VAV2: variants seen among roughly 807,000 people sequenced by gnomAD.
VAV2 encodes vav guanine nucleotide exchange factor 2, also known as guanine nucleotide exchange factor VAV2.
VAV2 carries 67 observed loss-of-function variants against 132.5 expected under a neutral mutation model. The ratio of observed to expected loss-of-function variants is 0.51; its 90% CI spans 0.42 to 0.62. The LOEUF is 0.62. VAV2 is among the 20% of genes least tolerant of loss of function. VAV2 has a pLI of 0.00. For synonymous variants in VAV2, 492 were observed against 443.5 expected, an observed-to-expected ratio of 1.11 and a Z score of -1.37; for missense variants, 938 against 1,153.6, an observed-to-expected ratio of 0.81 and a Z score of 2.71.
chr9:133,921,347 A>T (rs1021401384), intron 2 of VAV2, among the ~76,000 whole-genome samples: 1 of 152,218 alleles, frequency 6.6e-6, no homozygotes, highest in African/African-American at 2.4e-5. Flanking sequence ...AGACCACTGA[A>T]CGTCCACAGG....
At chr9:133,817,628 T>C (rs1469589677) in intron 4 of VAV2, among the ~76,000 whole-genome samples, 2 of 151,978 alleles carry the variant, frequency 1.3e-5, no homozygotes, top group East Asian at 1.9e-4. Context: ...AAAAATAAAA[T>C]AATAAAGTGC....
chr9:133,946,757 C>T (rs1483726658), intron 1 of VAV2, among the ~76,000 whole-genome samples: 2 of 152,190 alleles, frequency 1.3e-5, no homozygotes, highest in Non-Finnish European at 2.9e-5. Flanking sequence ...TTATTTATGC[C>T]ATGCTCATTC....
At chr9:133,914,699 A>G (rs1458532769) in intron 2 of VAV2, among the ~76,000 whole-genome samples, 1 of 23,642 alleles carries the variant, frequency 4.2e-5, no homozygotes. Flanking sequence ...GGGAAGCGGG[A>G]GGGGAAGGAG....
rs567507832 is a variant in VAV2, at chr9:133,858,276, A to G, written c.380+3098T>C. ...TGGCCTCTGCAGGCGCTGGGGATGG[A>G]GTAACTAAGGTCAGCCTCACAGGCA... is the stretch of plus-strand genomic sequence containing the variant. On this transcript the variant is annotated intron_variant, in intron 3 of 29. Coordinates refer to ENST00000371850, the MANE Select transcript of VAV2 (RefSeq NM_001134398.2). Among the ~76,000 whole-genome samples the G allele has an allele frequency of 2.1e-4, 32 of 152,174 alleles. No homozygotes were observed. The East Asian group carries it at 4.1e-3, about 19-fold the overall frequency.
chr9:133,977,544 A>G (rs1470780568), intron 1 of VAV2, among the ~76,000 whole-genome samples: 1 of 152,154 alleles, frequency 6.6e-6, no homozygotes, highest in Non-Finnish European at 1.5e-5. Context: ...CCCTGGGGCC[A>G]GTCACCCTCC....
intron 3 of VAV2, among the ~76,000 whole-genome samples, chr9:133,856,992 C>G (rs776580948): frequency 6.6e-6 from 1 of 152,206 alleles, no homozygotes; most frequent in Non-Finnish European, 1.5e-5. Flanking sequence ...ACAGAGCAAC[C>G]CCGCGAGGCA....
chr9:133,924,847 A>G (rs1840417887), intron 2 of VAV2, among the ~76,000 whole-genome samples: 2 of 152,284 alleles, frequency 1.3e-5, no homozygotes, highest in African/African-American at 4.8e-5. Flanking sequence ...TAGATGGACA[A>G]GCTGTGGTCG....
rs1835892698 is a variant in VAV2, at chr9:133,824,044, C to G, written c.449+10228G>C. On this transcript the variant is annotated intron_variant, in intron 4 of 29. Transcript: ENST00000371850. This position sits in a 1 kb window ranked among gnomAD's most constrained non-coding sequence, Gnocchi z 5.2. ...CCCCAGCCACGTGGCAGCAGGGCCTCTGGAGACAGCTGGGGCCCACTGTGG... is the reference window on the plus strand; with the variant it reads ...CCCCAGCCACGTGGCAGCAGGGCCTGTGGAGACAGCTGGGGCCCACTGTGG... Among the ~76,000 whole-genome samples the G allele has an allele frequency of 6.6e-6, 1 of 152,162 alleles. No homozygotes were observed. Among genetic ancestry groups the G allele is most frequent in the Non-Finnish European group, 1.5e-5 (1 of 68,032 alleles).
chr9:133,764,529 G>A (rs1287406680), intron 29 of VAV2, among the ~76,000 whole-genome samples: 4 of 152,258 alleles, frequency 2.6e-5, no homozygotes, highest in Non-Finnish European at 4.4e-5. Flanking sequence ...TAATTCATAC[G>A]TTTAAGAAAA....
intron 8 of VAV2, among the ~76,000 whole-genome samples, chr9:133,807,050 C>T (rs1237978740): frequency 6.6e-6 from 1 of 152,242 alleles, no homozygotes; most frequent in Non-Finnish European, 1.5e-5. Flanking sequence ...CACCCGCAGA[C>T]AAGCGGAGCC....
intron 1 of VAV2, among the ~76,000 whole-genome samples, chr9:133,974,547 G>A (rs372811259): frequency 6.6e-5 from 10 of 152,248 alleles, no homozygotes; most frequent in African/African-American, 1.7e-4. Context: ...CCCGGGGGAC[G>A]GGGAGTGCAC....
intron 3 of VAV2, among the ~76,000 whole-genome samples, chr9:133,843,783 G>C (rs561552292): frequency 3.3e-5 from 5 of 152,358 alleles, no homozygotes; most frequent in African/African-American, 1.2e-4. Flanking sequence ...GGAGTCGAGA[G>C]TGACCAATGG....
At chr9:133,781,189 C>T (rs140959514) in intron 19 of VAV2, among the ~76,000 whole-genome samples, 139 of 152,278 alleles carry the variant, frequency 9.1e-4, no homozygotes, top group African/African-American at 3.2e-3. Flanking sequence ...GGCATTGGTA[C>T]GCATGCTACC....
rs3003585 is a variant in VAV2, at chr9:133,839,707, C to T, written c.381-5367G>A. Among the ~76,000 whole-genome samples, 1,419 of 152,286 alleles carry T rather than the reference C, an allele frequency of 9.3e-3. 20 individuals carry two copies. Among genetic ancestry groups the T allele is most frequent in the African/African-American group, 0.032 (1,333 of 41,550 alleles). Reference sequence around the variant, plus strand: ...CTCGTGATCCGCCCGCCTCAGCCTCCCAAAGTGCTGGGATTACAGGCGTGA... The same window carrying T: ...CTCGTGATCCGCCCGCCTCAGCCTCTCAAAGTGCTGGGATTACAGGCGTGA... On this transcript the variant is annotated intron_variant, in intron 3 of 29. Coordinates refer to ENST00000371850, the MANE Select transcript of VAV2 (RefSeq NM_001134398.2).
chr9:133,817,094 A>G (rs1177913200), intron 4 of VAV2, among the ~76,000 whole-genome samples: 11 of 152,236 alleles, frequency 7.2e-5, no homozygotes, highest in Admixed American at 7.2e-4. Context: ...CATCTTAACG[A>G]TAACATCTTC....
Position 133,939,231 on chromosome 9 carries a change from A to C in VAV2, c.205-12T>G. ...TTCAAACACAGAAACTAAAGGGAAA[A>C]AACAAAGGGAGGGCAAGGAAAAACT... On this transcript the variant is annotated splice_polypyrimidine_tract_variant and intron_variant, in intron 1 of 29. Transcript: ENST00000371850. 3.1e-6 allele frequency: 5 copies of C among 1,611,218 alleles called. No individual in the cohort carries two copies. The highest frequency in any genetic ancestry group is 4.2e-6 in the Non-Finnish European group (5 of 1,177,294).
intron 11 of VAV2, 36 bp from the exon 12 acceptor site, chr9:133,795,772 CG>C: frequency 6.2e-7 from 1 of 1,607,304 alleles, no homozygotes; most frequent in Non-Finnish European, 8.5e-7. Context: ...TGTTACCACT[CG>C]GGGGTTCTGG....
intron 9 of VAV2, among the ~76,000 whole-genome samples, chr9:133,799,927 G>A (rs1290413137): frequency 6.6e-6 from 1 of 152,080 alleles, no homozygotes; most frequent in East Asian, 1.9e-4. Flanking sequence ...GCCCCGCTCC[G>A]GATCGGTGTT....
intron 2 of VAV2, among the ~76,000 whole-genome samples, chr9:133,902,950 C>T (rs776439164): frequency 3.9e-5 from 6 of 151,950 alleles, no homozygotes; most frequent in Non-Finnish European, 7.4e-5. Context: ...TGATGCACAC[C>T]TGTAATCCCA....
Sources: allele counts gnomAD v4.1 joint callset (sites outside exome capture counted in the v4.1 genomes callset), GRCh38; gene constraint gnomAD v4.1.1; non-coding constraint Gnocchi (gnomAD v3.1); transcripts MANE v1.5; gene names NCBI Gene and HGNC (gene_info 2026-07-23, HGNC 2026-07-21).